The following CLSPN variants were observed in gnomAD, a reference collection of about 807,000 sequenced individuals.
CLSPN encodes the protein claspin homolog.
In CLSPN, 85 loss-of-function variants were observed where a neutral mutation model predicts 156.3. The observed-to-expected ratio is 0.54, with a 90% CI of 0.46 to 0.65. The LOEUF is 0.65. Among genes scored for constraint, CLSPN ranks in the 30% least tolerant of loss-of-function variants. The probability of loss-of-function intolerance (pLI) is 0.00; values close to 1 mark genes in which losing one functional copy is unlikely to be tolerated. For synonymous variants in CLSPN, 534 were observed against 542.4 expected, an observed-to-expected ratio of 0.98 and a Z score of 0.22; for missense variants, 1,407 against 1,554.9, an observed-to-expected ratio of 0.90 and a Z score of 1.60.
chr1:35,752,094 C>A (rs527842382), intron 9 of CLSPN, among the ~76,000 whole-genome samples: 1 of 152,158 alleles, frequency 6.6e-6, no homozygotes, highest in African/African-American at 2.4e-5. Flanking sequence ...TGATATATAT[C>A]AAAATGTGAT....
chr1:35,764,637 C>T lies in CLSPN; in HGVS notation c.211G>A (p.Asp71Asn), dbSNP rs1218104843. The change falls in exon 3 of 25, where the codon GAC becomes AAC. Residue 71 changes from aspartate (D) to asparagine (N), a missense_variant. By Grantham distance (23) the Asp-to-Asn change is conservative. Transcript: ENST00000318121. Reference sequence around the variant, plus strand: ...GTTTTCTCTGGAGAGGCATTTGTGTCCTCTGTTTCGGAATCACTGTCTTGT... The same window carrying T: ...GTTTTCTCTGGAGAGGCATTTGTGTTCTCTGTTTCGGAATCACTGTCTTGT... ...VLQDSDSETE[D>N]TNASPEKTTY... 4 of 1,612,512 alleles carry T rather than the reference C, an allele frequency of 2.5e-6. No individual in the cohort carries two copies. The Admixed American group carries it at 5.0e-5, about 20-fold the overall frequency.
Position 35,746,674 on chromosome 1 carries a change from A to C in CLSPN, c.2854+92T>G. The C allele has an allele frequency of 3.7e-6, 3 of 819,084 alleles. No homozygotes were observed. Among genetic ancestry groups the C allele is most frequent in the African/African-American group, 3.4e-5 (2 of 59,342 alleles). 50.7% of individuals were successfully genotyped at this position (819,084 alleles called of 1,614,324 possible). ...TAGCCTCCCAAAGTTCTAGGATTAC[A>C]GGCATGAGCCACCCCACCCGCCCAG... On this transcript the variant is annotated intron_variant, in intron 15 of 24. Coordinates refer to ENST00000318121, the MANE Select transcript of CLSPN (RefSeq NM_022111.4). This position sits in a 1 kb window ranked among gnomAD's most constrained non-coding sequence, Gnocchi z 4.2.
intron 8 of CLSPN, 71 bp downstream of exon 8, chr1:35,760,271 G>C: frequency 8.1e-7 from 1 of 1,229,190 alleles, no homozygotes; most frequent in Admixed American, 2.1e-5. Flanking sequence ...CTCTGTCCTC[G>C]ACAGTAGTCA....
intron 8 of CLSPN, among the ~76,000 whole-genome samples, chr1:35,760,025 G>A (rs1051966926): frequency 6.6e-6 from 1 of 151,874 alleles, no homozygotes; most frequent in African/African-American, 2.4e-5. Context: ...GTACAGACGG[G>A]GTTTCACTGT....
At chr1:35,751,957 T>G (rs1642101711) in intron 9 of CLSPN, among the ~76,000 whole-genome samples, 1 of 152,076 alleles carries the variant, frequency 6.6e-6, no homozygotes, top group Non-Finnish European at 1.5e-5. Context: ...CAAATCAAAA[T>G]AACGAGATAC....
At chr1:35,748,774 AT>A (rs887644043) in intron 12 of CLSPN, 170 bp from the exon 13 acceptor site, 1 of 575,070 alleles carries the variant, frequency 1.7e-6, no homozygotes, top group Non-Finnish European at 3.2e-6. Flanking sequence ...AGATAGCATT[AT>A]ATAATCAGGG....
Position 35,751,406 on chromosome 1 carries a change from A to G in CLSPN, c.1872T>C (p.Asn624=). ...QKRQALFKLD[N]EDGFEEEEEE... ...CCTCCTCTTCCTCAAACCCATCTTC[A>G]TTATCTAATTTAAACAGTGCTTGGC... is the stretch of plus-strand genomic sequence containing the variant. Residue 624 remains asparagine, a synonymous_variant, in exon 10 of 25, where the codon AAT becomes AAC. Coordinates refer to ENST00000318121, the MANE Select transcript of CLSPN (RefSeq NM_022111.4). 6.2e-7 allele frequency: 1 copy of G among 1,613,510 alleles called. No individual in the cohort carries two copies. The highest frequency in any genetic ancestry group is 8.5e-7 in the Non-Finnish European group (1 of 1,179,932).
At chr1:35,729,132 C>A (rs1211061970), downstream of CLSPN, among the ~76,000 whole-genome samples, 1 of 152,136 alleles carries the variant, frequency 6.6e-6, no homozygotes, top group African/African-American at 2.4e-5. Flanking sequence ...GAAGGGTGGG[C>A]AGTCAGCCTT....
rs1641428876 is a variant in CLSPN, at chr1:35,735,353, A to G, written c.*1143T>C. 1 of 985,326 alleles carries G rather than the reference A, an allele frequency of 1.0e-6. No individual in the cohort carries two copies. The highest frequency in any genetic ancestry group is 6.2e-5 in the Admixed American group (1 of 16,260). 61.0% of individuals were successfully genotyped at this position (985,326 alleles called of 1,614,324 possible). A position where few individuals can be genotyped will look rare whatever the true frequency, so the allele number is the denominator to read the frequency against. On this transcript the variant is annotated 3_prime_UTR_variant, in exon 25 of 25. Transcript: ENST00000318121. ...GCCTTGGGAAGAAGCATACAGGAAA[A>G]TGAAAGGGGTAAGAGTAATACAGCA...
chr1:35,749,967 T>C (rs1359765396), intron 10 of CLSPN, among the ~76,000 whole-genome samples, 156 bp from the exon 11 acceptor site: 1 of 151,386 alleles, frequency 6.6e-6, no homozygotes, highest in Non-Finnish European at 1.5e-5. Context: ...ATTATCAACA[T>C]AATTTTCCCT....
intron 18 of CLSPN, 124 bp downstream of exon 18, chr1:35,743,017 C>T (rs1490052291): frequency 1.4e-6 from 1 of 702,922 alleles, no homozygotes; most frequent in Admixed American, 2.3e-5. Context: ...GAACTCCTGA[C>T]CTCAGGTGAT....
chr1:35,736,833 C>G (rs1641491185), intron 24 of CLSPN, 81 bp downstream of exon 24: 2 of 1,499,786 alleles, frequency 1.3e-6, no homozygotes, highest in Admixed American at 1.9e-5. Flanking sequence ...AGAGGTTAAG[C>G]CAGAATTTTT....
downstream of CLSPN, among the ~76,000 whole-genome samples, chr1:35,729,702 T>C (rs1174907204): frequency 6.6e-6 from 1 of 152,200 alleles, no homozygotes; most frequent in East Asian, 1.9e-4. Context: ...TCTCAGCACA[T>C]AGCTAGCCAC....
intron 24 of CLSPN, 57 bp downstream of exon 24, chr1:35,736,857 A>C: frequency 9.0e-6 from 14 of 1,554,594 alleles, no homozygotes; most frequent in African/African-American, 1.4e-5. Flanking sequence ...TTTAAATTTA[A>C]ATAAATGAAT....
intron 16 of CLSPN, 83 bp from the exon 17 acceptor site, chr1:35,743,613 T>A (rs1386518920): frequency 1.7e-5 from 19 of 1,143,346 alleles, no homozygotes; most frequent in Middle Eastern, 4.0e-4. Flanking sequence ...TTAAAAAAAA[T>A]TTTGTGTGTG....
chr1:35,746,924 A>T lies in CLSPN; in HGVS notation c.2696T>A (p.Met899Lys), dbSNP rs746053938. ...GTTGGCATCCATGGCATTCTCATCC[A>T]TACTGGCCAATGGCAATCGAGGCTT... ...ALKPRLPLAS[M>K]DENAMDANMD... The change falls in exon 15 of 25, where the codon ATG becomes AAG. Residue 899 changes from methionine (M) to lysine (K), a missense_variant. Around this residue, in one of 3 missense-constraint regions of CLSPN, gnomAD observed 1,096 missense variants for 1,193.0 expected, o/e 0.92. Coordinates refer to ENST00000318121, the MANE Select transcript of CLSPN (RefSeq NM_022111.4). The surrounding 1 kb of genome is among the most constrained non-coding windows in gnomAD (Gnocchi z 4.2). 1 of 1,614,144 alleles carries T rather than the reference A, an allele frequency of 6.2e-7. No individual in the cohort carries two copies. Among genetic ancestry groups the T allele is most frequent in the South Asian group, 1.1e-5 (1 of 91,084 alleles).
downstream of CLSPN, among the ~76,000 whole-genome samples, chr1:35,727,399 G>C (rs1404354853): frequency 6.6e-6 from 1 of 152,154 alleles, no homozygotes; most frequent in Non-Finnish European, 1.5e-5. Flanking sequence ...TTGAATGTGG[G>C]CTATCCTTGA....
Position 35,736,551 on chromosome 1 carries a change from G to A in CLSPN, c.3965C>T (p.Thr1322Ile). 6.2e-7 allele frequency: 1 copy of A among 1,612,828 alleles called. No individual in the cohort carries two copies. The highest frequency in any genetic ancestry group is 8.5e-7 in the Non-Finnish European group (1 of 1,179,586). ...MTSPSPKHLK[T>I]DDSTSGLTRS... ...CGTCAATCCTGAAGTGCTATCATCT[G>A]TTTTGAGGTGCTTAGGTGAAGGAGA... The change falls in exon 25 of 25, where the codon ACA becomes ATA. Residue 1322 changes from threonine to isoleucine, a missense_variant. Thr to Ile is a moderately conservative substitution (Grantham distance 89, BLOSUM62 -1). This residue lies in a region of CLSPN where 241 missense variants were observed against 240.5 expected (regional missense o/e 1.00). Coordinates refer to ENST00000318121, the MANE Select transcript of CLSPN (RefSeq NM_022111.4).
intron 24 of CLSPN, chr1:35,721,032 T>G (rs748019128): frequency 7.9e-7 from 1 of 1,258,160 alleles, no homozygotes; most frequent in Non-Finnish European, 1.1e-6. Context: ...AGATGAGAGA[T>G]AGTTCTGATA....
Sources: allele counts gnomAD v4.1 joint callset (sites outside exome capture counted in the v4.1 genomes callset), GRCh38; gene constraint gnomAD v4.1.1; regional missense constraint gnomAD v4.1.1; non-coding constraint Gnocchi (gnomAD v3.1); transcripts MANE v1.5; gene names NCBI Gene and HGNC (gene_info 2026-07-23, HGNC 2026-07-21).